The following ARHGAP10 variants were observed in gnomAD, a reference collection of about 807,000 sequenced individuals.
The protein encoded by ARHGAP10 is rho GTPase-activating protein 10.
Under a neutral mutation model 108.6 loss-of-function variants are expected in ARHGAP10, and 87 were observed. The ratio of observed to expected loss-of-function variants is 0.80; its 90% CI spans 0.67 to 0.96. The LOEUF is 0.96. ARHGAP10 is among the 40% of genes least tolerant of loss of function. The probability of loss-of-function intolerance (pLI) is 0.00; values close to 1 mark genes in which losing one functional copy is unlikely to be tolerated. For synonymous variants in ARHGAP10, 347 were observed against 341.1 expected, an observed-to-expected ratio of 1.02 and a Z score of -0.19; for missense variants, 939 against 954.5, an observed-to-expected ratio of 0.98 and a Z score of 0.21.
chr4:147,945,076 G>A (rs1002098870), intron 14 of ARHGAP10, among the ~76,000 whole-genome samples: 3 of 152,120 alleles, frequency 2.0e-5, no homozygotes, highest in African/African-American at 7.2e-5. Flanking sequence ...GGTATGGCTG[G>A]GCCAGGTTGT....
intron 1 of ARHGAP10, among the ~76,000 whole-genome samples, chr4:147,792,302 C>T (rs918225326): frequency 2.6e-5 from 4 of 152,184 alleles, no homozygotes; most frequent in Non-Finnish European, 4.4e-5. Flanking sequence ...GGTTGAATAT[C>T]TTTTCACGTA....
In ARHGAP10 at chr4:147,913,097, T is replaced by C. The variant is rs759118460; in HGVS notation, c.1186T>C (p.Phe396Leu). The change falls in exon 13 of 23, where the codon TTC becomes CTC. Residue 396 changes from phenylalanine to leucine, a missense_variant. By Grantham distance (22) the Phe-to-Leu change is conservative. Transcript: ENST00000336498. Reference sequence around the variant, plus strand: ...AGATGCACAGTTGGATAAGATGGGGTTCACAATTATCAGAAAATGCATCAG... The same window carrying C: ...AGATGCACAGTTGGATAAGATGGGGCTCACAATTATCAGAAAATGCATCAG... ...EGNAQLDKMG[F>L]TIIRKCISAV... 2 of 1,613,900 alleles carry C rather than the reference T, an allele frequency of 1.2e-6. No individual in the cohort carries two copies. The highest frequency in any genetic ancestry group is 2.2e-5 in the South Asian group (2 of 91,072).
intron 1 of ARHGAP10, among the ~76,000 whole-genome samples, chr4:147,770,935 G>A (rs1730050628): frequency 6.6e-6 from 1 of 152,242 alleles, no homozygotes; most frequent in African/African-American, 2.4e-5. Flanking sequence ...TCCTTGGCTT[G>A]TAGGTGGCTC....
chr4:148,043,649 A>ATATATATATATATATATT (rs1728738855), intron 19 of ARHGAP10, among the ~76,000 whole-genome samples: 2 of 114,514 alleles, frequency 1.7e-5, no homozygotes. Context: ...ATATATATAT[A>ATATATATATATATATATT]TATTTTAGGT....
intron 9 of ARHGAP10, among the ~76,000 whole-genome samples, chr4:147,880,225 A>G (rs1233757909): frequency 1.3e-5 from 2 of 152,262 alleles, no homozygotes. Context: ...TTAAGAAAGC[A>G]GCTTAATTCA....
At chr4:147,964,964 T>C in intron 16 of ARHGAP10, 60 bp from the exon 17 acceptor site, 1 of 1,171,100 alleles carries the variant, frequency 8.5e-7, no homozygotes, top group South Asian at 1.7e-5. Flanking sequence ...CTGAGTTCTC[T>C]ATTAACTATT....
chr4:147,846,813 A>G (rs1046744914), intron 3 of ARHGAP10, among the ~76,000 whole-genome samples: 1 of 152,222 alleles, frequency 6.6e-6, no homozygotes, highest in African/African-American at 2.4e-5. Context: ...GGGGGAAGGA[A>G]AAAAACAATC....
At chr4:147,740,583 G>A (rs1178025950) in intron 1 of ARHGAP10, among the ~76,000 whole-genome samples, 1 of 152,136 alleles carries the variant, frequency 6.6e-6, no homozygotes, top group Non-Finnish European at 1.5e-5. Flanking sequence ...AATTTAAACT[G>A]ATTGCTAATT....
chr4:148,009,339 C>A (rs4835123), intron 18 of ARHGAP10, among the ~76,000 whole-genome samples: 4,760 of 152,212 alleles, frequency 0.031, 318 homozygotes, highest in East Asian at 0.29. Flanking sequence ...ACCATGTTGG[C>A]CAGTCTGGTC....
chr4:147,779,981 G>A (rs957930279), intron 1 of ARHGAP10, among the ~76,000 whole-genome samples: 1 of 152,068 alleles, frequency 6.6e-6, no homozygotes, highest in South Asian at 2.1e-4. Context: ...TTTGCTCTTC[G>A]TACATAAGCC....
At chr4:147,904,254 T>C (rs1338532353) in intron 10 of ARHGAP10, among the ~76,000 whole-genome samples, 6 of 152,138 alleles carry the variant, frequency 3.9e-5, no homozygotes, top group African/African-American at 7.2e-5. Context: ...TATTATACTT[T>C]AAGTTTTAGG....
intron 1 of ARHGAP10, among the ~76,000 whole-genome samples, chr4:147,805,380 T>C (rs1236648531): frequency 1.3e-5 from 2 of 152,214 alleles, no homozygotes; most frequent in South Asian, 2.1e-4. Context: ...GTAGCCATGT[T>C]GTACAATTTG....
At chr4:147,999,537 T>C (rs368399311) in intron 18 of ARHGAP10, among the ~76,000 whole-genome samples, 3 of 152,202 alleles carry the variant, frequency 2.0e-5, no homozygotes, top group African/African-American at 4.8e-5. Flanking sequence ...GAGGCGCCCA[T>C]TGCCGCTCTG....
chr4:147,879,767 C>G (rs1376298692), intron 9 of ARHGAP10, among the ~76,000 whole-genome samples: 1 of 151,692 alleles, frequency 6.6e-6, no homozygotes, highest in Non-Finnish European at 1.5e-5. Context: ...ATTGTCAGCT[C>G]CCACTTAAGA....
At chr4:147,963,856 G>A (rs756818671) in intron 16 of ARHGAP10, among the ~76,000 whole-genome samples, 16 of 152,140 alleles carry the variant, frequency 1.1e-4, no homozygotes, top group Non-Finnish European at 1.6e-4. Context: ...GCTGTGACAG[G>A]ACAACCTCCG....
chr4:147,846,676 C>T (rs896507109), intron 3 of ARHGAP10, among the ~76,000 whole-genome samples: 9 of 152,110 alleles, frequency 5.9e-5, no homozygotes, highest in African/African-American at 2.2e-4. Flanking sequence ...ACCTTAAATC[C>T]TTAGGAGGTT....
At chr4:147,854,697 A>C (rs540909612) in intron 4 of ARHGAP10, 2 of 983,882 alleles carry the variant, frequency 2.0e-6, no homozygotes, top group East Asian at 2.3e-4. Flanking sequence ...ATATGAGCAC[A>C]AAGAAACAAT....
intron 22 of ARHGAP10, among the ~76,000 whole-genome samples, chr4:148,066,196 C>A (rs986747217): frequency 5.3e-5 from 8 of 152,156 alleles, no homozygotes; most frequent in African/African-American, 1.9e-4. Flanking sequence ...ATCATGGCCA[C>A]ACTCTGGCGG....
At chr4:147,829,315 C>T (rs1254013427) in intron 3 of ARHGAP10, among the ~76,000 whole-genome samples, 6 of 151,926 alleles carry the variant, frequency 3.9e-5, no homozygotes, top group Non-Finnish European at 7.4e-5. Context: ...ACCCCCCCAT[C>T]GTGCTGGGAT....
Sources: allele counts gnomAD v4.1 joint callset (sites outside exome capture counted in the v4.1 genomes callset), GRCh38; gene constraint gnomAD v4.1.1; transcripts MANE v1.5; gene names NCBI Gene and HGNC (gene_info 2026-07-23, HGNC 2026-07-21).